Variants in DBNL observed in about 807,000 individuals in gnomAD.
The protein encoded by DBNL is drebrin-like protein.
In DBNL, 35 loss-of-function variants were observed where a neutral mutation model predicts 62.2. The ratio of observed to expected loss-of-function variants is 0.56; its 90% confidence interval spans 0.43 to 0.75. The LOEUF (loss-of-function observed/expected upper bound fraction) is 0.75. Ranked by LOEUF, DBNL falls within the 30% of genes least tolerant of loss-of-function variation. DBNL has a pLI of 0.00. For synonymous variants in DBNL, 197 were observed against 218.0 expected (o/e 0.90, Z 0.85); for missense variants, 495 against 578.4 (o/e 0.86, Z 1.48).
At position 44,060,241 on chromosome 7, in the gene DBNL, CAGGGGGTATCAGGAAG is replaced by C; in HGVS notation, c.1153+91_1153+106del. Reference sequence around the variant, plus strand: ...CTGGGGTTTTATGGGAAGATGGCACCAGGGGGTATCAGGAAGAGAAGACAGGAGGGTGGGCGGTGCG... The same window carrying C: ...CTGGGGTTTTATGGGAAGATGGCACCAGAAGACAGGAGGGTGGGCGGTGCG... On this transcript the variant is annotated intron_variant, in intron 12 of 12. Transcript: ENST00000448521. This position sits in a 1 kb window ranked among gnomAD's most constrained non-coding sequence, Gnocchi z 6.3. The C allele has an allele frequency of 8.4e-7, 1 of 1,194,158 alleles. No individual in the cohort carries two copies. The highest frequency in any genetic ancestry group is 1.4e-5 in the South Asian group (1 of 73,596). The allele number at this position is 1,194,158 out of a possible 1,614,324, so 74.0% of individuals were successfully genotyped here. A position where few individuals can be genotyped will look rare whatever the true frequency, so the allele number is the denominator to read the frequency against.
chr7:44,064,825 G>T lies in DBNL; in HGVS notation c.*3909G>T. The T allele has an allele frequency of 6.3e-7, 1 of 1,590,458 alleles. No homozygotes were observed. The highest frequency in any genetic ancestry group is 8.6e-7 in the Non-Finnish European group (1 of 1,167,772). ...CACCCTGCCCAGGCTCCTGAAGGTG[G>T]CCTCACCTTCCAGGTGCTTGACAAT... On this transcript the variant is annotated 3_prime_UTR_variant, in exon 13 of 13. Coordinates refer to ENST00000448521, the MANE Select transcript of DBNL (RefSeq NM_001014436.3).
chr7:44,064,882 A>AGCACTCGCTT lies in DBNL; in HGVS notation c.*3969_*3978dup, dbSNP rs1197908775. 1 of 1,603,708 alleles carries AGCACTCGCTT rather than the reference A, an allele frequency of 6.2e-7. No homozygotes were observed. The highest frequency in any genetic ancestry group is 1.3e-5 in the African/African-American group (1 of 74,432). On this transcript the variant is annotated 3_prime_UTR_variant, in exon 13 of 13. Coordinates refer to ENST00000448521, the MANE Select transcript of DBNL (RefSeq NM_001014436.3). ...CAGGCTGTTCCCGTGGGCTGCAATG[A>AGCACTCGCTT]GCACTCGCTTGCCGGCCTTGATCTG...
intron 1 of DBNL, chr7:44,049,878 G>A (rs955983570): frequency 4.5e-6 from 1 of 223,524 alleles, no homozygotes; most frequent in African/African-American, 2.3e-5. Flanking sequence ...TAGTGGCCAG[G>A]TGAGTATTTG....
chr7:44,044,770 G>T lies in DBNL; in HGVS notation c.33G>T (p.Ala11=), dbSNP rs1488703908. Residue 11 remains alanine (A), a synonymous_variant, in exon 1 of 13, where the codon GCG becomes GCT. Transcript: ENST00000448521. MAANLSRNGP[A]LQEAYVRVVT... ...CGAACCTGAGCCGGAACGGGCCAGC[G>T]CTGCAAGAGGCCTACGTGCGGGTGG... 6.6e-7 allele frequency: 1 copy of T among 1,507,936 alleles called. No homozygotes were observed. The highest frequency in any genetic ancestry group is 1.2e-5 in the South Asian group (1 of 81,462). 93.4% of individuals were successfully genotyped at this position (1,507,936 alleles called of 1,614,324 possible).
chr7:44,064,976 G>A lies in DBNL; in HGVS notation c.*4060G>A. Reference sequence around the variant, plus strand: ...GTGTCCTTGAGGCTCTCGCAGGTGGGGAGTTCCCCGGGCTTCAGGCCTGCG... The same window carrying A: ...GTGTCCTTGAGGCTCTCGCAGGTGGAGAGTTCCCCGGGCTTCAGGCCTGCG... On this transcript the variant is annotated 3_prime_UTR_variant, in exon 13 of 13. Transcript: ENST00000448521. 1 of 1,607,066 alleles carries A rather than the reference G, an allele frequency of 6.2e-7. No homozygotes were observed.
chr7:44,065,581 C>A lies in DBNL; in HGVS notation c.*4665C>A. 2 of 1,547,232 alleles carry A rather than the reference C, an allele frequency of 1.3e-6. No individual in the cohort carries two copies. Among genetic ancestry groups the A allele is most frequent in the Non-Finnish European group, 8.9e-7 (1 of 1,122,846 alleles). On this transcript the variant is annotated 3_prime_UTR_variant, in exon 13 of 13. Transcript: ENST00000448521. ...CTGGACGGGGACGGCTGCTTCCCAA[C>A]ACTCCCAGCTTTATAATAGTGTCTT...
Position 44,059,281 on chromosome 7 carries a change from G to A in DBNL, c.836-73G>A. 2.0e-6 allele frequency: 3 copies of A among 1,466,718 alleles called. No homozygotes were observed. Among genetic ancestry groups the A allele is most frequent in the Admixed American group, 1.8e-5 (1 of 55,102 alleles). The allele number at this position is 1,466,718 out of a possible 1,614,324, so 90.9% of individuals were successfully genotyped here. On this transcript the variant is annotated intron_variant, in intron 9 of 12. Coordinates refer to ENST00000448521, the MANE Select transcript of DBNL (RefSeq NM_001014436.3). The surrounding 1 kb of genome is among the most constrained non-coding windows in gnomAD (Gnocchi z 4.1). ...GAGACTGCCTCGAGCACACCAGGGT[G>A]GAGGGTGCTGTGGGGTGCGTGGGTG...
chr7:44,053,676 A>ATTT (rs1249202688), intron 4 of DBNL, among the ~76,000 whole-genome samples: 2 of 140,922 alleles, frequency 1.4e-5, no homozygotes, highest in African/African-American at 2.6e-5. Flanking sequence ...CAGAATCTGA[A>ATTT]TTTTTTTTTT....
chr7:44,047,326 A>T (rs2096119075), intron 1 of DBNL, among the ~76,000 whole-genome samples: 1 of 152,224 alleles, frequency 6.6e-6, no homozygotes, highest in African/African-American at 2.4e-5. Flanking sequence ...GAGATATCAG[A>T]GGAAGAAGAG....
At chr7:44,046,781 C>T (rs116763780) in intron 1 of DBNL, among the ~76,000 whole-genome samples, 4,000 of 152,286 alleles carry the variant, frequency 0.026, 163 homozygotes, top group African/African-American at 0.091. Flanking sequence ...ATGTCACTTC[C>T]GTGTCTGTAA....
chr7:44,052,645 C>T (rs1267713324), intron 3 of DBNL, among the ~76,000 whole-genome samples: 2 of 152,018 alleles, frequency 1.3e-5, no homozygotes, highest in African/African-American at 4.8e-5. Flanking sequence ...CATGAAATGC[C>T]CCCACAGCGA....
chr7:44,059,717 C>A lies in DBNL; in HGVS notation c.1047+59C>A. On this transcript the variant is annotated intron_variant, in intron 11 of 12. Coordinates refer to ENST00000448521, the MANE Select transcript of DBNL (RefSeq NM_001014436.3). The surrounding 1 kb of genome is among the most constrained non-coding windows in gnomAD (Gnocchi z 4.1). ...GGGCTGCATACTCAGGAACACTTAT[C>A]ACGGGCCGCCTGAGTTTTCTGGGGG... 1 of 1,470,110 alleles carries A rather than the reference C, an allele frequency of 6.8e-7. No homozygotes were observed. The highest frequency in any genetic ancestry group is 1.2e-5 in the South Asian group (1 of 80,868). 91.1% of individuals were successfully genotyped at this position (1,470,110 alleles called of 1,614,324 possible). A position where few individuals can be genotyped will look rare whatever the true frequency, so the allele number is the denominator to read the frequency against.
Position 44,069,180 on chromosome 7 carries a change from A to C in DBNL, c.*8264A>C, listed in dbSNP as rs796077698. The C allele has an allele frequency of 9.2e-5, 14 of 152,370 alleles. No individual in the cohort carries two copies. The highest frequency in any genetic ancestry group is 3.4e-4 in the African/African-American group (14 of 41,592). The allele number at this position is 152,370 out of a possible 1,614,324, so 9.4% of individuals were successfully genotyped here. A position where few individuals can be genotyped will look rare whatever the true frequency, so the allele number is the denominator to read the frequency against. On this transcript the variant is annotated 3_prime_UTR_variant, in exon 13 of 13. Coordinates refer to ENST00000448521, the MANE Select transcript of DBNL (RefSeq NM_001014436.3). Reference sequence around the variant, plus strand: ...TCAGACAGAAGAGATTACTGGGGGCAATTCAAAACTTTGGGAATGCAGGAA... The same window carrying C: ...TCAGACAGAAGAGATTACTGGGGGCCATTCAAAACTTTGGGAATGCAGGAA...
intron 5 of DBNL, 102 bp downstream of exon 5, chr7:44,057,005 C>T (rs2096137668): frequency 1.3e-6 from 2 of 1,524,302 alleles, no homozygotes; most frequent in Admixed American, 1.8e-5. Flanking sequence ...TGGGCCCATG[C>T]CTGCTTAGTT....
In DBNL at chr7:44,050,251, G is replaced by A. The variant is rs2096124214; in HGVS notation, c.110G>A (p.Ser37Asn). Residue 37 changes from serine (S) to asparagine (N), a missense_variant, in exon 2 of 13, where the codon AGC (serine) becomes AAC (asparagine). By Grantham distance (46) the Ser-to-Asn change is conservative. Transcript: ENST00000448521. ...GCTCTCTTTACCTATGAAGGCAACA[G>A]CAATGACATCCGCGTGGCTGGCACA... The part of the protein sequence containing the change: ...DWALFTYEGN[S>N]NDIRVAGTGE... 5 of 1,613,802 alleles carry A rather than the reference G, an allele frequency of 3.1e-6. No individual in the cohort carries two copies. Among genetic ancestry groups the A allele is most frequent in the Middle Eastern group, 1.7e-4 (1 of 6,060 alleles).
intron 1 of DBNL, 91 bp downstream of exon 1, chr7:44,044,911 C>A: frequency 7.8e-7 from 1 of 1,281,986 alleles, no homozygotes; most frequent in Non-Finnish European, 1.0e-6. Context: ...GGAGCGGGAG[C>A]GCGAGCGCGG....
chr7:44,058,389 G>C (rs904771980), intron 7 of DBNL, 43 bp from the exon 8 acceptor site: 1 of 1,614,038 alleles, frequency 6.2e-7, no homozygotes, highest in East Asian at 2.2e-5. Flanking sequence ...ATGAGAAGCT[G>C]TGACTGTGCC....
chr7:44,058,775 T>C (rs1160788721), intron 8 of DBNL, 127 bp from the exon 9 acceptor site: 1 of 1,031,242 alleles, frequency 9.7e-7, no homozygotes, highest in Non-Finnish European at 1.4e-6. Flanking sequence ...CCTGAGAACA[T>C]GTTTTGCCTC....
At chr7:44,049,673 C>T (rs1222331039) in intron 1 of DBNL, among the ~76,000 whole-genome samples, 1 of 152,136 alleles carries the variant, frequency 6.6e-6, no homozygotes, top group Non-Finnish European at 1.5e-5. Context: ...TCTGTGTTTA[C>T]CAAAGAGTCT....
Sources: gnomAD v4.1 joint callset for allele counts (sites outside exome capture counted in the v4.1 genomes callset) on GRCh38, gnomAD v4.1.1 for gene constraint, Gnocchi (gnomAD v3.1) non-coding constraint, MANE v1.5 for transcripts, NCBI Gene and HGNC (gene_info 2026-07-23, HGNC 2026-07-21) for gene names.